The following DAP variants were observed in gnomAD, a reference collection of about 807,000 sequenced individuals.
The protein encoded by DAP is death-associated protein 1.
Under a neutral mutation model 13.8 loss-of-function variants are expected in DAP, and 8 were observed. The ratio of observed to expected loss-of-function variants is 0.58; its 90% CI spans 0.34 to 1.05. The LOEUF (loss-of-function observed/expected upper bound fraction) is 1.05, where lower values mean the gene tolerates loss of function less well. DAP is among the 50% of genes least tolerant of loss of function. The probability of loss-of-function intolerance (pLI) is 0.03; values close to 1 mark genes in which losing one functional copy is unlikely to be tolerated. For synonymous variants in DAP, 47 were observed against 47.5 expected (o/e 0.99, Z 0.04); for missense variants, 106 against 133.2 (o/e 0.80, Z 1.01).
chr5:10,691,186 A>G (rs1738298510), intron 2 of DAP, among the ~76,000 whole-genome samples: 1 of 152,378 alleles, frequency 6.6e-6, no homozygotes, highest in East Asian at 1.9e-4. Flanking sequence ...GACATATGGC[A>G]GCTGCCCATG....
intron 1 of DAP, among the ~76,000 whole-genome samples, chr5:10,752,990 G>C (rs973648703): frequency 5.3e-5 from 8 of 152,216 alleles, no homozygotes; most frequent in Non-Finnish European, 8.8e-5. Flanking sequence ...CTTCACAGCA[G>C]TTCCTTAAAG....
At chr5:10,731,195 T>C (rs1244890521) in intron 2 of DAP, among the ~76,000 whole-genome samples, 1 of 106,618 alleles carries the variant, frequency 9.4e-6, no homozygotes, top group East Asian at 3.5e-4. Flanking sequence ...CTGAGAGCCC[T>C]GGTGGGGGGA....
chr5:10,749,743 C>CTTT (rs34643253), intron 1 of DAP, among the ~76,000 whole-genome samples: 19 of 118,616 alleles, frequency 1.6e-4, no homozygotes, highest in Non-Finnish European at 2.4e-4. Context: ...GACCACACAA[C>CTTT]TTTTTTTTTT....
At position 10,717,285 on chromosome 5, in the gene DAP, T is replaced by C. The variant is rs189470720; in HGVS notation, c.152+30890A>G. On this transcript the variant is annotated intron_variant, in intron 2 of 3. Transcript: ENST00000230895. ...TCCTGTAGAGAAAGAGCTGAAATTG[T>C]GGAAAAACAGACACAAGCCCTTATG... is the stretch of plus-strand genomic sequence containing the variant. Among the ~76,000 whole-genome samples, 732 of 152,242 alleles carry C rather than the reference T, an allele frequency of 4.8e-3. 9 individuals are homozygous for C. Among genetic ancestry groups the C allele is most frequent in the African/African-American group, 0.017 (703 of 41,538 alleles).
chr5:10,700,535 T>G (rs1413930201), intron 2 of DAP, among the ~76,000 whole-genome samples: 2 of 152,108 alleles, frequency 1.3e-5, no homozygotes, highest in Non-Finnish European at 2.9e-5. Context: ...CAGGTTCTGG[T>G]GGGGAGTTCT....
At chr5:10,695,751 G>C (rs1205743670) in intron 2 of DAP, among the ~76,000 whole-genome samples, 2 of 152,206 alleles carry the variant, frequency 1.3e-5, no homozygotes, top group African/African-American at 4.8e-5. Context: ...CCAGGTCTGG[G>C]TCTGTGTGGG....
intron 2 of DAP, among the ~76,000 whole-genome samples, chr5:10,688,887 A>G (rs1738225371): frequency 6.6e-6 from 1 of 151,846 alleles, no homozygotes; most frequent in Non-Finnish European, 1.5e-5. Flanking sequence ...GGTTGAGCCC[A>G]GCCCCACTGT....
chr5:10,725,309 T>C (rs1312855583), intron 2 of DAP, among the ~76,000 whole-genome samples: 1 of 152,338 alleles, frequency 6.6e-6, no homozygotes, highest in Non-Finnish European at 1.5e-5. Flanking sequence ...GCCTCTGACA[T>C]GGTTATGCCG....
At chr5:10,717,117 A>G (rs769875890) in intron 2 of DAP, among the ~76,000 whole-genome samples, 1 of 152,212 alleles carries the variant, frequency 6.6e-6, no homozygotes, top group Non-Finnish European at 1.5e-5. Context: ...ACCAAGGAAC[A>G]TAATGCAGCT....
At chr5:10,683,428 T>C in intron 3 of DAP, 101 bp downstream of exon 3, 1 of 1,120,970 alleles carries the variant, frequency 8.9e-7, no homozygotes, top group Non-Finnish European at 1.4e-6. Context: ...GCAGTGGTGC[T>C]GGGTTATTCC....
intron 2 of DAP, among the ~76,000 whole-genome samples, chr5:10,715,896 A>C (rs1738973855): frequency 6.6e-6 from 1 of 152,212 alleles, no homozygotes; most frequent in Non-Finnish European, 1.5e-5. Flanking sequence ...TGATGATCCC[A>C]AATTGGACCT....
At chr5:10,682,616 G>A (rs1866386) in intron 3 of DAP, among the ~76,000 whole-genome samples, 37,604 of 152,262 alleles carry the variant, frequency 0.25, 4,809 homozygotes, top group Middle Eastern at 0.38. Context: ...TGCAGGGCAG[G>A]CGTGGACTGT....
At chr5:10,721,051 G>A (rs1739123986) in intron 2 of DAP, among the ~76,000 whole-genome samples, 2 of 152,208 alleles carry the variant, frequency 1.3e-5, no homozygotes, top group South Asian at 4.1e-4. Context: ...TCATCCTGAA[G>A]CAGCTGGATT....
chr5:10,710,781 CTG>C (rs1738828629), intron 2 of DAP, among the ~76,000 whole-genome samples: 1 of 152,144 alleles, frequency 6.6e-6, no homozygotes, highest in African/African-American at 2.4e-5. Context: ...TTAAGGGACA[CTG>C]TGGAGTCAGT....
intron 2 of DAP, among the ~76,000 whole-genome samples, chr5:10,690,724 A>C (rs1738286697): frequency 6.6e-6 from 1 of 152,248 alleles, no homozygotes; most frequent in Non-Finnish European, 1.5e-5. Context: ...GACTGCTGCG[A>C]ATGGTGCAGC....
intron 2 of DAP, among the ~76,000 whole-genome samples, chr5:10,746,185 C>G (rs752657259): frequency 6.6e-6 from 1 of 152,126 alleles, no homozygotes; most frequent in Non-Finnish European, 1.5e-5. Flanking sequence ...CCTAGACTCC[C>G]AAATTTCTCC....
chr5:10,696,844 G>A (rs1363617563), intron 2 of DAP, among the ~76,000 whole-genome samples: 5 of 152,108 alleles, frequency 3.3e-5, no homozygotes, highest in Non-Finnish European at 4.4e-5. Flanking sequence ...GTGCCATGGC[G>A]CAGGGTTTCA....
chr5:10,708,632 T>C (rs1008497117), intron 2 of DAP, among the ~76,000 whole-genome samples: 1 of 152,240 alleles, frequency 6.6e-6, no homozygotes, highest in African/African-American at 2.4e-5. Flanking sequence ...ACAGCGACTC[T>C]GAAACCATGT....
chr5:10,705,500 G>A (rs893148344), intron 2 of DAP, among the ~76,000 whole-genome samples: 4 of 152,236 alleles, frequency 2.6e-5, no homozygotes, highest in Non-Finnish European at 5.9e-5. Flanking sequence ...GTGAGAACAA[G>A]GCTGTGCATT....
Sources: allele counts gnomAD v4.1 joint callset (sites outside exome capture counted in the v4.1 genomes callset), GRCh38; gene constraint gnomAD v4.1.1; transcripts MANE v1.5; gene names NCBI Gene and HGNC (gene_info 2026-07-23, HGNC 2026-07-21).